ZBED6: variants seen among roughly 807,000 people sequenced by gnomAD.
ZBED6 encodes the protein zinc finger BED domain-containing protein 6.
In ZBED6, 40 loss-of-function variants were observed where a neutral mutation model predicts 58.4. That is an observed-to-expected ratio of 0.68 (90% CI 0.53 to 0.89). The LOEUF is 0.89. Among genes scored for constraint, ZBED6 ranks in the 40% least tolerant of loss-of-function variants. The pLI is 0.00. For synonymous variants in ZBED6, 439 were observed against 350.6 expected, an observed-to-expected ratio of 1.25 and a Z score of -2.82; for missense variants, 1,057 against 1,003.9, an observed-to-expected ratio of 1.05 and a Z score of -0.71.
At chr1:203,800,243 T>A in exon 1 of ZBED6, 1 of 1,216,964 alleles carries the variant, frequency 8.2e-7, no homozygotes, top group Non-Finnish European at 1.2e-6. Context: ...AGTATCTAAG[T>A]TGCCCCATGT....
At chr1:203,817,833 A>T (rs764990096) in intron 2 of ZBED6, among the ~76,000 whole-genome samples, 1 of 151,578 alleles carries the variant, frequency 6.6e-6, no homozygotes, top group Non-Finnish European at 1.5e-5. Context: ...GCTTACTGTA[A>T]CCTCCGCCTC....
rs143451172 is a variant in ZBED6, at chr1:203,815,249, C to G, written c.*2555-1677C>G. ...TTTTTTTTTGAGACAGTGTCTCGCT[C>G]TGTTGCCCAAGCTGGAGTGCAGTGG... On this transcript the variant is annotated intron_variant, in intron 1 of 16. Coordinates refer to ENST00000550078, the Ensembl canonical transcript of ZBED6. Among the ~76,000 whole-genome samples the G allele has an allele frequency of 4.7e-3, 517 of 109,906 alleles. 4 individuals carry two copies. Among genetic ancestry groups the G allele is most frequent in the African/African-American group, 0.018 (490 of 27,732 alleles). 72.1% of individuals were successfully genotyped at this position (109,906 alleles called of 152,430 possible).
At chr1:203,811,955 A>G (rs1008845621) in intron 1 of ZBED6, among the ~76,000 whole-genome samples, 12 of 151,634 alleles carry the variant, frequency 7.9e-5, no homozygotes, top group Admixed American at 5.9e-4. Flanking sequence ...AGCTGGGACT[A>G]TAGATGTGTG....
chr1:203,831,093 C>T (rs559998299), intron 7 of ZBED6, among the ~76,000 whole-genome samples: 9 of 151,638 alleles, frequency 5.9e-5, no homozygotes, highest in South Asian at 2.1e-4. Context: ...TACAGGCATG[C>T]GCCACCACGC....
At chr1:203,816,580 G>A (rs1676448341) in intron 1 of ZBED6, among the ~76,000 whole-genome samples, 1 of 152,150 alleles carries the variant, frequency 6.6e-6, no homozygotes, top group Non-Finnish European at 1.5e-5. Flanking sequence ...GCTGTGAGCT[G>A]TGATCACATC....
chr1:203,820,895 G>C (rs1286228691), intron 3 of ZBED6, among the ~76,000 whole-genome samples: 1 of 152,044 alleles, frequency 6.6e-6, no homozygotes, highest in Non-Finnish European at 1.5e-5. Flanking sequence ...CATTATAAAG[G>C]CTTTCTTTTT....
exon 1 of ZBED6, chr1:203,799,825 C>G (rs776680476): frequency 1.3e-6 from 2 of 1,487,490 alleles, no homozygotes; most frequent in South Asian, 2.4e-5. Context: ...ATCTTGGCTA[C>G]TTTGTTAGAT....
At chr1:203,795,631 G>T (rs1312813645), upstream of ZBED6, 1 of 152,236 alleles carries the variant, frequency 6.6e-6, no homozygotes, top group Non-Finnish European at 1.5e-5. Context: ...TTAGAGCGGA[G>T]CCTGTAGCCA....
At position 203,816,284 on chromosome 1, in the gene ZBED6, A is replaced by G. The variant is rs554816561; in HGVS notation, c.*2555-642A>G. On this transcript the variant is annotated intron_variant, in intron 1 of 16. Transcript: ENST00000550078. ...GTATGTAGTCTTTTGAGACTTTCAA[A>G]TTAGTAGGCAAAAATACATATATAC... Among the ~76,000 whole-genome samples the G allele has an allele frequency of 5.3e-5, 8 of 152,284 alleles. No homozygotes were observed. The South Asian group carries it at 1.7e-3, about 32-fold the overall frequency.
chr1:203,844,114 C>G (rs1184362969), intron 11 of ZBED6, among the ~76,000 whole-genome samples: 1 of 152,146 alleles, frequency 6.6e-6, no homozygotes, highest in African/African-American at 2.4e-5. Flanking sequence ...ACTTTGGCCT[C>G]CCAAAGTGCT....
At chr1:203,846,666 G>A (rs1218164712) in intron 11 of ZBED6, among the ~76,000 whole-genome samples, 4 of 152,178 alleles carry the variant, frequency 2.6e-5, no homozygotes, top group African/African-American at 9.7e-5. Context: ...ATAGCCATAA[G>A]TTAATGAAGA....
At chr1:203,812,214 C>A (rs1674718729) in intron 1 of ZBED6, among the ~76,000 whole-genome samples, 1 of 152,116 alleles carries the variant, frequency 6.6e-6, no homozygotes, top group Admixed American at 6.6e-5. Context: ...CAGATTATTT[C>A]ATCACCCAGG....
intron 11 of ZBED6, among the ~76,000 whole-genome samples, chr1:203,842,115 A>T (rs1686517071): frequency 1.4e-5 from 2 of 146,160 alleles, no homozygotes; most frequent in Non-Finnish European, 3.0e-5. Flanking sequence ...CACTTCCCAG[A>T]CTGGGCGGCT....
chr1:203,846,400 G>C (rs1293863811), intron 11 of ZBED6, among the ~76,000 whole-genome samples: 1 of 152,034 alleles, frequency 6.6e-6, no homozygotes, highest in Non-Finnish European at 1.5e-5. Context: ...TGGGCCTTCT[G>C]CATTTTTCTT....
chr1:203,814,259 C>G (rs557018949), intron 1 of ZBED6, among the ~76,000 whole-genome samples: 5 of 152,194 alleles, frequency 3.3e-5, no homozygotes, highest in African/African-American at 1.2e-4. Flanking sequence ...GGCGCTGGCT[C>G]ACACCTGTAA....
At chr1:203,808,037 T>A (rs991168855) in intron 1 of ZBED6, among the ~76,000 whole-genome samples, 4 of 152,120 alleles carry the variant, frequency 2.6e-5, no homozygotes, top group African/African-American at 9.7e-5. Flanking sequence ...CCACCATGCC[T>A]GGCCTGTTTT....
At chr1:203,828,630 G>A (rs1158301679) in intron 4 of ZBED6, among the ~76,000 whole-genome samples, 2 of 152,096 alleles carry the variant, frequency 1.3e-5, no homozygotes, top group African/African-American at 4.8e-5. Context: ...TGCCATTTAA[G>A]TTATTATACT....
exon 4 of ZBED6, chr1:203,828,409 A>G (rs1681246153): frequency 6.2e-7 from 1 of 1,612,030 alleles, no homozygotes; most frequent in South Asian, 1.1e-5. Context: ...GCCTTTTCCT[A>G]CCTCCGAGCA....
chr1:203,839,834 C>G (rs1341305485), intron 10 of ZBED6, among the ~76,000 whole-genome samples: 1 of 152,048 alleles, frequency 6.6e-6, no homozygotes, highest in Non-Finnish European at 1.5e-5. Flanking sequence ...GACAGAGTCT[C>G]ACTCTGTCAC....
Sources: allele counts gnomAD v4.1 joint callset (sites outside exome capture counted in the v4.1 genomes callset), GRCh38; gene constraint gnomAD v4.1.1; transcripts MANE v1.5; gene names NCBI Gene and HGNC (gene_info 2026-07-23, HGNC 2026-07-21).